UBN2: variants seen among roughly 807,000 people sequenced by gnomAD.
UBN2 encodes ubinuclein-2.
UBN2 carries 35 observed loss-of-function variants against 120.2 expected under a neutral mutation model. That is an observed-to-expected ratio of 0.29 (90% CI 0.22 to 0.39). UBN2 has a LOEUF of 0.39. Among genes scored for constraint, UBN2 ranks in the 10% least tolerant of loss-of-function variants. The pLI, the probability that UBN2 is intolerant of heterozygous loss-of-function variation, is 1.00. For missense variants in UBN2, 1,693 were observed against 1,663.2 expected, an observed-to-expected ratio of 1.02 and a Z score of -0.31; for synonymous variants, 661 against 648.7, an observed-to-expected ratio of 1.02 and a Z score of -0.29.
rs1424275891 is a variant in UBN2 at position 139,303,681 on chromosome 7, G to T, written c.*5845G>T. ...AAAATGTCCTATATAATTAAAAATA[G>T]TATTATCATCTTCCTGCAGAGGCTA... On this transcript the variant is annotated 3_prime_UTR_variant, in exon 18 of 18. Transcript: ENST00000473989. 3.9e-5 allele frequency: 6 copies of T among 152,022 alleles called. No homozygotes were observed. The highest frequency in any genetic ancestry group is 8.8e-5 in the Non-Finnish European group (6 of 68,008). 9.4% of individuals were successfully genotyped at this position (152,022 alleles called of 1,614,324 possible).
At chr7:139,275,878 G>A (rs1320345725) in intron 11 of UBN2, among the ~76,000 whole-genome samples, 1 of 152,188 alleles carries the variant, frequency 6.6e-6, no homozygotes, top group East Asian at 1.9e-4. Flanking sequence ...TGAAAGCTGA[G>A]TTGGGAGGAC....
intron 1 of UBN2, among the ~76,000 whole-genome samples, chr7:139,234,723 G>C (rs1796117440): frequency 6.6e-6 from 1 of 152,148 alleles, no homozygotes; most frequent in Non-Finnish European, 1.5e-5. Flanking sequence ...CAGTTAACCA[G>C]AACACCCATT....
At chr7:139,280,181 T>C (rs1385672713) in intron 13 of UBN2, among the ~76,000 whole-genome samples, 1 of 152,146 alleles carries the variant, frequency 6.6e-6, no homozygotes, top group Non-Finnish European at 1.5e-5. Flanking sequence ...CAGTCTGAAA[T>C]ACAGAATACA....
intron 1 of UBN2, among the ~76,000 whole-genome samples, chr7:139,235,035 A>G (rs918159039): frequency 5.3e-5 from 8 of 152,086 alleles, no homozygotes; most frequent in Non-Finnish European, 1.0e-4. Context: ...AAGTGAGTCC[A>G]TTTTCTTAAA....
At chr7:139,247,088 G>T (rs1241325172) in intron 2 of UBN2, among the ~76,000 whole-genome samples, 1 of 151,700 alleles carries the variant, frequency 6.6e-6, no homozygotes, top group South Asian at 2.1e-4. Context: ...CAGTGGGGTT[G>T]TTAGGTCCAA....
At chr7:139,291,288 G>A (rs919622475) in intron 15 of UBN2, among the ~76,000 whole-genome samples, 12 of 149,152 alleles carry the variant, frequency 8.0e-5, no homozygotes, top group Middle Eastern at 3.2e-3. Context: ...TTGAACCCAG[G>A]AGGTGGAGGT....
At chr7:139,259,917 T>G (rs1005837813) in intron 5 of UBN2, among the ~76,000 whole-genome samples, 2 of 151,720 alleles carry the variant, frequency 1.3e-5, no homozygotes, top group African/African-American at 4.8e-5. Flanking sequence ...CCCGGCTAAT[T>G]TTTGTATTTT....
Position 139,261,282 on chromosome 7 carries a change from A to G in UBN2, c.936A>G (p.Glu312=). The G allele has an allele frequency of 6.2e-7, 1 of 1,610,356 alleles. No individual in the cohort carries two copies. Among genetic ancestry groups the G allele is most frequent in the African/African-American group, 1.3e-5 (1 of 74,510 alleles). ...GVVALNSHKS[E]KKKKRYKDSL... ...TGGCTCTAAATTCACACAAGTCTGA[A>G]AAAAAGAAGAAACGTTATAAAGATT... Residue 312 remains glutamate (E), a synonymous_variant, in exon 6 of 18, where the codon GAA becomes GAG. Coordinates refer to ENST00000473989, the MANE Select transcript of UBN2 (RefSeq NM_173569.4).
chr7:139,250,193 AC>A (rs1231364434), intron 2 of UBN2, among the ~76,000 whole-genome samples: 1 of 152,016 alleles, frequency 6.6e-6, no homozygotes, highest in Non-Finnish European at 1.5e-5. Context: ...CTATAACCAT[AC>A]CATGGCACTC....
At chr7:139,325,526 C>G in the UBN2 span, among the ~76,000 whole-genome samples, 1 of 152,110 alleles carries the variant, frequency 6.6e-6, no homozygotes, top group African/African-American at 2.4e-5. Flanking sequence ...GCCTCGGCCT[C>G]CCAAAGTGCT....
intron 13 of UBN2, among the ~76,000 whole-genome samples, chr7:139,279,757 T>C (rs1361772534): frequency 2.0e-5 from 3 of 152,230 alleles, no homozygotes; most frequent in African/African-American, 4.8e-5. Context: ...CCCATCACTT[T>C]ATGGTTTCTT....
chr7:139,308,509 C>G (rs946141475), downstream of UBN2, among the ~76,000 whole-genome samples: 1 of 152,060 alleles, frequency 6.6e-6, no homozygotes, highest in Admixed American at 6.6e-5. Context: ...AGAAACGGGA[C>G]TGGAGTAATG....
chr7:139,257,277 C>T (rs1005263681), intron 3 of UBN2, among the ~76,000 whole-genome samples: 4 of 152,178 alleles, frequency 2.6e-5, no homozygotes, highest in Non-Finnish European at 5.9e-5. Flanking sequence ...GTTCCTTGCT[C>T]CAAGCAAAGT....
downstream of UBN2, among the ~76,000 whole-genome samples, chr7:139,310,877 T>C (rs1292821875): frequency 6.6e-6 from 1 of 152,240 alleles, no homozygotes; most frequent in Non-Finnish European, 1.5e-5. Context: ...TCTGTCTGGT[T>C]CTTTGAACAG....
chr7:139,281,177 T>C (rs1338564381), intron 13 of UBN2, among the ~76,000 whole-genome samples: 1 of 152,202 alleles, frequency 6.6e-6, no homozygotes, highest in African/African-American at 2.4e-5. Flanking sequence ...CTGATACTGG[T>C]TGTGTTAGGA....
intron 2 of UBN2, among the ~76,000 whole-genome samples, chr7:139,239,311 C>A (rs1187828836): frequency 2.0e-5 from 3 of 151,976 alleles, no homozygotes; most frequent in Non-Finnish European, 4.4e-5. Context: ...TGTTTCATTG[C>A]ATGGAACTAT....
At chr7:139,251,346 A>G (rs532895915) in intron 2 of UBN2, among the ~76,000 whole-genome samples, 28 of 152,334 alleles carry the variant, frequency 1.8e-4, no homozygotes, top group African/African-American at 6.3e-4. Context: ...CTAAGGAGCC[A>G]GCATTGGCAC....
chr7:139,250,518 G>A lies in UBN2; in HGVS notation c.562-1438G>A, dbSNP rs117119030. Among the ~76,000 whole-genome samples the A allele has an allele frequency of 1.4e-3, 211 of 151,830 alleles. 1 individual carries two copies. Among genetic ancestry groups the A allele is most frequent in the Non-Finnish European group, 2.5e-3 (172 of 67,954 alleles). On this transcript the variant is annotated intron_variant, in intron 2 of 17. Transcript: ENST00000473989. ...CAAAGTGCTGGGATTACTGGCATGA[G>A]GCACTGCGTCCGGCCCAGACCCTGT... is the stretch of plus-strand genomic sequence containing the variant.
intron 1 of UBN2, among the ~76,000 whole-genome samples, chr7:139,233,384 G>T (rs1240437570): frequency 6.6e-6 from 1 of 152,124 alleles, no homozygotes; most frequent in Non-Finnish European, 1.5e-5. Flanking sequence ...GCTAATCTAA[G>T]TTGGTTTGCA....
Sources: allele counts gnomAD v4.1 joint callset (sites outside exome capture counted in the v4.1 genomes callset), GRCh38; gene constraint gnomAD v4.1.1; transcripts MANE v1.5; gene names NCBI Gene and HGNC (gene_info 2026-07-23, HGNC 2026-07-21).